DNASE1L3: variants seen among roughly 807,000 people sequenced by gnomAD.
DNASE1L3 encodes the protein deoxyribonuclease 1L3, also known as deoxyribonuclease gamma.
Under a neutral mutation model 30.9 loss-of-function variants are expected in DNASE1L3, and 27 were observed. The observed-to-expected ratio is 0.87, with a 90% CI of 0.64 to 1.20. The LOEUF (loss-of-function observed/expected upper bound fraction) is 1.20. DNASE1L3 is among the 50% of genes most tolerant of loss of function. The probability of loss-of-function intolerance (pLI) is 0.00; values close to 1 mark genes in which losing one functional copy is unlikely to be tolerated. For synonymous variants in DNASE1L3, 135 were observed against 138.0 expected, an observed-to-expected ratio of 0.98 and a Z score of 0.15; for missense variants, 364 against 378.2, an observed-to-expected ratio of 0.96 and a Z score of 0.31.
intron 2 of DNASE1L3, 100 bp downstream of exon 2, chr3:58,208,118 G>T: frequency 8.6e-7 from 1 of 1,161,238 alleles, no homozygotes; most frequent in Non-Finnish European, 1.3e-6. Flanking sequence ...TGAACTGGTG[G>T]TCAAGTGCGG....
intron 4 of DNASE1L3, among the ~76,000 whole-genome samples, chr3:58,202,806 T>C (rs1185219671): frequency 6.6e-6 from 1 of 150,752 alleles, no homozygotes; most frequent in African/African-American, 2.5e-5. Context: ...TGAGCCTAGA[T>C]CACGCCACTG....
intron 3 of DNASE1L3, 145 bp downstream of exon 3, chr3:58,205,326 G>C: frequency 1.3e-6 from 1 of 745,200 alleles, no homozygotes; most frequent in South Asian, 1.5e-5. Context: ...ACTTTGCATA[G>C]GCCCCTAGTT....
In DNASE1L3 at chr3:58,200,124, A is replaced by C. The variant is rs2097399697; in HGVS notation, c.546+873T>G. ...AGAACTGAGCCTATAGGGATGGCAAATATGTGCCCCCTTCTGTGAAAACAG... is the reference window on the plus strand; with the variant it reads ...AGAACTGAGCCTATAGGGATGGCAACTATGTGCCCCCTTCTGTGAAAACAG... On this transcript the variant is annotated intron_variant, in intron 5 of 7. Transcript: ENST00000394549. The surrounding 1 kb of genome is among the most constrained non-coding windows in gnomAD (Gnocchi z 4.2). Among the ~76,000 whole-genome samples the C allele has an allele frequency of 1.3e-5, 2 of 152,278 alleles. No homozygotes were observed. The highest frequency in any genetic ancestry group is 4.8e-5 in the African/African-American group (2 of 41,554).
At chr3:58,196,763 C>A (rs560093210) in intron 6 of DNASE1L3, among the ~76,000 whole-genome samples, 6 of 152,102 alleles carry the variant, frequency 3.9e-5, no homozygotes, top group African/African-American at 1.2e-4. Flanking sequence ...GGCACTCCCC[C>A]CTCTGTCCCC....
chr3:58,198,564 C>T (rs1004286410), intron 5 of DNASE1L3, among the ~76,000 whole-genome samples: 1 of 152,126 alleles, frequency 6.6e-6, no homozygotes, highest in Non-Finnish European at 1.5e-5. Flanking sequence ...CGATGACAGG[C>T]GAGTGCGTAC....
rs2097400262 is a variant in DNASE1L3, at chr3:58,201,078, G to C, written c.465C>G (p.His155Gln). The C allele has an allele frequency of 6.2e-7, 1 of 1,611,098 alleles. No homozygotes were observed. Among genetic ancestry groups the C allele is most frequent in the Non-Finnish European group, 8.5e-7 (1 of 1,178,236 alleles). ...CCTTAACGGATGTCTCTGGGGTGGT[G>C]TGCAGGGGGATAATCACGAAGTCTT... ...AVKDFVIIPL[H>Q]TTPETSVKEI... Residue 155 changes from histidine to glutamine, a missense_variant, in exon 5 of 8, where the codon CAC (histidine) becomes CAG (glutamine). Transcript: ENST00000394549.
Position 58,197,076 on chromosome 3 carries a change from G to T in DNASE1L3, c.704+745C>A, listed in dbSNP as rs1202390643. On this transcript the variant is annotated intron_variant, in intron 6 of 7. Transcript: ENST00000394549. This position sits in a 1 kb window ranked among gnomAD's most constrained non-coding sequence, Gnocchi z 5.3. ...CGCATCAATTGCGGTAAGTCTTTGT[G>T]ATGGAACAATGATCAGCCCATGAAT... Among the ~76,000 whole-genome samples, 1 of 152,192 alleles carries T rather than the reference G, an allele frequency of 6.6e-6. No homozygotes were observed. The highest frequency in any genetic ancestry group is 1.5e-5 in the Non-Finnish European group (1 of 68,034).
rs143481658 is a variant in DNASE1L3 at position 58,192,943 on chromosome 3, G to T, written c.802-140C>A. On this transcript the variant is annotated intron_variant, in intron 7 of 7. Transcript: ENST00000394549. This position sits in a 1 kb window ranked among gnomAD's most constrained non-coding sequence, Gnocchi z 4.8. ...CCCCACAGAACACTTACTGGTAAGC[G>T]TCATTCCAAGACCAGCTCGATCAGA... is the stretch of plus-strand genomic sequence containing the variant. The T allele has an allele frequency of 6.9e-7, 1 of 1,458,718 alleles. No individual in the cohort carries two copies. The highest frequency in any genetic ancestry group is 2.4e-5 in the East Asian group (1 of 40,876). 90.4% of individuals were successfully genotyped at this position (1,458,718 alleles called of 1,614,324 possible).
At chr3:58,199,890 C>T (rs1237885335) in intron 5 of DNASE1L3, among the ~76,000 whole-genome samples, 3 of 152,160 alleles carry the variant, frequency 2.0e-5, no homozygotes, top group East Asian at 1.9e-4. Context: ...CTTTTCCATG[C>T]CCCAGCTCTG....
chr3:58,202,039 G>A (rs2097400989), intron 4 of DNASE1L3, among the ~76,000 whole-genome samples: 1 of 150,932 alleles, frequency 6.6e-6, no homozygotes, highest in South Asian at 2.1e-4. Flanking sequence ...TGGCAAATCT[G>A]TATTTTCTTT....
Position 58,197,517 on chromosome 3 carries a change from ATCCT to A in DNASE1L3, c.704+300_704+303del, listed in dbSNP as rs759054976. 1.1e-4 allele frequency among the ~76,000 whole-genome samples: 17 copies of A among 152,136 alleles called. No individual in the cohort carries two copies. Among genetic ancestry groups the A allele is most frequent in the Non-Finnish European group, 2.1e-4 (14 of 68,010 alleles). On this transcript the variant is annotated intron_variant, in intron 6 of 7. Transcript: ENST00000394549. This position sits in a 1 kb window ranked among gnomAD's most constrained non-coding sequence, Gnocchi z 5.3. ...ACCCAGGCTGGAGTGCAGTGGTGCGATCCTGGCTCACTGCAGCCTCCACCTTCTG... is the reference window on the plus strand; with the variant it reads ...ACCCAGGCTGGAGTGCAGTGGTGCGAGGCTCACTGCAGCCTCCACCTTCTG...
intron 3 of DNASE1L3, 48 bp from the exon 4 acceptor site, chr3:58,204,929 T>C (rs755015440): frequency 6.4e-7 from 1 of 1,566,114 alleles, no homozygotes; most frequent in Admixed American, 1.7e-5. Context: ...GCCCTTTTCT[T>C]ACTACTTTCA....
Position 58,197,896 on chromosome 3 carries a change from T to G in DNASE1L3, c.629A>C (p.Asp210Ala). Residue 210 changes from aspartate (D) to alanine (A), a missense_variant, in exon 6 of 8, where the codon GAC becomes GCC. Physicochemically the swap from Asp to Ala is moderately radical, Grantham distance 126. Coordinates refer to ENST00000394549, the MANE Select transcript of DNASE1L3 (RefSeq NM_004944.4). This position sits in a 1 kb window ranked among gnomAD's most constrained non-coding sequence, Gnocchi z 5.3. ...KAWKNIRLRT[D>A]PRFVWLIGDQ... ...CCCGATCAGCCAAACAAACCTGGGG[T>G]CAGTCCTCAAGCGGATGTTCTTCCA... 6.2e-7 allele frequency: 1 copy of G among 1,614,176 alleles called. No homozygotes were observed. Among genetic ancestry groups the G allele is most frequent in the South Asian group, 1.1e-5 (1 of 91,082 alleles).
intron 6 of DNASE1L3, among the ~76,000 whole-genome samples, chr3:58,196,413 C>T (rs965158773): frequency 6.6e-5 from 10 of 151,230 alleles, no homozygotes; most frequent in African/African-American, 2.4e-4. Flanking sequence ...ATTAGCCAGG[C>T]GTGGTGGCGG....
rs116685574 is a variant in DNASE1L3, at chr3:58,192,524, C to T, written c.*163G>A. ...GGGAGGTATGAGACCAAGAGAGATA[C>T]AAAAGATTCTCCTTCCAATTTGGCT... On this transcript the variant is annotated 3_prime_UTR_variant, in exon 8 of 8. Coordinates refer to ENST00000394549, the MANE Select transcript of DNASE1L3 (RefSeq NM_004944.4). This position sits in a 1 kb window ranked among gnomAD's most constrained non-coding sequence, Gnocchi z 4.8. 2.2e-3 allele frequency: 1,605 copies of T among 723,224 alleles called. 25 individuals are homozygous for T. In the African/African-American group the frequency reaches 0.024, roughly 11 times the overall value. The allele number at this position is 723,224 out of a possible 1,614,324, so 44.8% of individuals were successfully genotyped here. A position where few individuals can be genotyped will look rare whatever the true frequency, so the allele number is the denominator to read the frequency against.
intron 2 of DNASE1L3, chr3:58,207,837 C>CT: frequency 5.7e-6 from 1 of 176,968 alleles, no homozygotes; most frequent in Non-Finnish European, 1.2e-5. Context: ...ACCAGCATGA[C>CT]TTTTAACAGC....
At chr3:58,193,825 G>A (rs552846836) in intron 6 of DNASE1L3, among the ~76,000 whole-genome samples, 14 of 152,298 alleles carry the variant, frequency 9.2e-5, no homozygotes, top group African/African-American at 3.4e-4. Context: ...GGAGGTGCTG[G>A]TTTGTCTTTA....
chr3:58,192,996 A>C lies in DNASE1L3; in HGVS notation c.802-193T>G. 7.0e-7 allele frequency: 1 copy of C among 1,436,108 alleles called. No homozygotes were observed. Among genetic ancestry groups the C allele is most frequent in the Non-Finnish European group, 9.1e-7 (1 of 1,102,928 alleles). The allele number at this position is 1,436,108 out of a possible 1,614,324, so 89.0% of individuals were successfully genotyped here. A position where few individuals can be genotyped will look rare whatever the true frequency, so the allele number is the denominator to read the frequency against. ...TTTTGGAGGGGCCTCAAATCACAGA[A>C]TCATAGGCATTGAGGGTCAAGGTCT... On this transcript the variant is annotated intron_variant, in intron 7 of 7. Coordinates refer to ENST00000394549, the MANE Select transcript of DNASE1L3 (RefSeq NM_004944.4). This position sits in a 1 kb window ranked among gnomAD's most constrained non-coding sequence, Gnocchi z 4.8.
chr3:58,205,002 C>A (rs1286560064), intron 3 of DNASE1L3, 121 bp from the exon 4 acceptor site: 3 of 866,942 alleles, frequency 3.5e-6, no homozygotes, highest in African/African-American at 1.7e-5. Flanking sequence ...AGCACAGGAT[C>A]GTTTTCCTGA....
Sources: gnomAD v4.1 joint callset for allele counts (sites outside exome capture counted in the v4.1 genomes callset) on GRCh38, gnomAD v4.1.1 for gene constraint, Gnocchi (gnomAD v3.1) non-coding constraint, MANE v1.5 for transcripts, NCBI Gene and HGNC (gene_info 2026-07-23, HGNC 2026-07-21) for gene names.